LHPP: variants seen among roughly 807,000 people sequenced by gnomAD.
The protein encoded by LHPP is phospholysine phosphohistidine inorganic pyrophosphate phosphatase, also known as hLHPP.
LHPP carries 24 observed loss-of-function variants against 30.3 expected under a neutral mutation model. The ratio of observed to expected loss-of-function variants is 0.79; its 90% CI spans 0.57 to 1.11. The LOEUF is 1.11. Ranked by LOEUF, LHPP falls within the 50% of genes most tolerant of loss-of-function variation. The pLI is 0.00. For missense variants in LHPP, 356 were observed against 367.2 expected (o/e 0.97, Z 0.25); for synonymous variants, 150 against 157.1 (o/e 0.95, Z 0.34).
chr10:124,588,828 C>G (rs1156921718), intron 6 of LHPP, among the ~76,000 whole-genome samples: 1 of 152,202 alleles, frequency 6.6e-6, no homozygotes, highest in Non-Finnish European at 1.5e-5. Flanking sequence ...CTCTGACAGT[C>G]AGGTCCAGGG....
In LHPP at chr10:124,461,826, G is replaced by A; in HGVS notation, c.-37G>A. 9 of 1,225,492 alleles carry A rather than the reference G, an allele frequency of 7.3e-6. No homozygotes were observed. Among genetic ancestry groups the A allele is most frequent in the Non-Finnish European group, 9.2e-6 (9 of 981,100 alleles). The allele number at this position is 1,225,492 out of a possible 1,614,324, so 75.9% of individuals were successfully genotyped here. ...CGGCCGCGGCGCCGGCGCCGGCGTC[G>A]GTTGGGACGCGGAGCTGAGGAGCAG... On this transcript the variant is annotated 5_prime_UTR_variant, in exon 1 of 7. Coordinates refer to ENST00000368842, the MANE Select transcript of LHPP (RefSeq NM_022126.4).
At position 124,528,269 on chromosome 10, in the gene LHPP, C is replaced by T. The variant is rs536348159; in HGVS notation, c.716+10998C>T. On this transcript the variant is annotated intron_variant, in intron 6 of 6. Transcript: ENST00000368842. ...TGGGACGTACACTGACTCTGGGGTT[C>T]TGTCCACCCCGTGGGTGTGGTCCAC... Among the ~76,000 whole-genome samples, 4 of 152,396 alleles carry T rather than the reference C, an allele frequency of 2.6e-5. No homozygotes were observed. In the South Asian group the frequency reaches 8.3e-4, roughly 32 times the overall value.
intron 1 of LHPP, among the ~76,000 whole-genome samples, chr10:124,480,923 T>A (rs1242516991): frequency 6.6e-6 from 1 of 152,188 alleles, no homozygotes; most frequent in Non-Finnish European, 1.5e-5. Flanking sequence ...CAGAAACATG[T>A]GTTTTCACCA....
chr10:124,485,028 A>C (rs1564779846), intron 2 of LHPP, among the ~76,000 whole-genome samples: 1 of 152,074 alleles, frequency 6.6e-6, no homozygotes, highest in South Asian at 2.1e-4. Context: ...TCTGCACTTG[A>C]TATTTTTAGT....
At chr10:124,508,988 A>C (rs1954234398) in intron 5 of LHPP, among the ~76,000 whole-genome samples, 1 of 152,150 alleles carries the variant, frequency 6.6e-6, no homozygotes, top group East Asian at 1.9e-4. Context: ...TCATAAGCCT[A>C]GTACCTGTTG....
chr10:124,507,011 C>G (rs189211948), intron 5 of LHPP, among the ~76,000 whole-genome samples: 27 of 2,668 alleles, frequency 0.01, 1 homozygote, highest in African/African-American at 0.016. Flanking sequence ...GATTTCAGGT[C>G]GGGGGGTAGA....
intron 6 of LHPP, among the ~76,000 whole-genome samples, chr10:124,605,911 C>T (rs12777136): frequency 0.61 from 92,234 of 151,484 alleles, 28,464 homozygotes; most frequent in Non-Finnish European, 0.64. Flanking sequence ...GGGCCCGGGT[C>T]ACCCTGTGGG....
intron 6 of LHPP, among the ~76,000 whole-genome samples, chr10:124,562,264 G>A (rs967817490): frequency 7.2e-5 from 11 of 152,082 alleles, no homozygotes; most frequent in Admixed American, 1.3e-4. Context: ...CTGAGATCAC[G>A]CCACTGCACT....
chr10:124,555,350 C>T (rs965245115), intron 6 of LHPP, among the ~76,000 whole-genome samples: 4 of 152,158 alleles, frequency 2.6e-5, no homozygotes, highest in African/African-American at 9.7e-5. Context: ...GAGATGGGGG[C>T]TCTACAAGGC....
chr10:124,461,998 C>G lies in LHPP; in HGVS notation c.125+11C>G. On this transcript the variant is annotated intron_variant, in intron 1 of 6. Transcript: ENST00000368842. Reference sequence around the variant, plus strand: ...GGAGGCGGTGGCCAGGTGAGTGGGCCCCGGGACGCCGCTGGGGCCGCCGAG... The same window carrying G: ...GGAGGCGGTGGCCAGGTGAGTGGGCGCCGGGACGCCGCTGGGGCCGCCGAG... 3 of 1,209,698 alleles carry G rather than the reference C, an allele frequency of 2.5e-6. No homozygotes were observed. The highest frequency in any genetic ancestry group is 2.1e-6 in the Non-Finnish European group (2 of 972,154). The allele number at this position is 1,209,698 out of a possible 1,614,324, so 74.9% of individuals were successfully genotyped here. A position where few individuals can be genotyped will look rare whatever the true frequency, so the allele number is the denominator to read the frequency against.
intron 6 of LHPP, among the ~76,000 whole-genome samples, chr10:124,589,096 C>T (rs1589698381): frequency 6.6e-6 from 1 of 152,342 alleles, no homozygotes; most frequent in Non-Finnish European, 1.5e-5. Context: ...CTGTCACCTT[C>T]AAGGACCAAT....
chr10:124,570,362 G>A (rs1165832979), intron 6 of LHPP, among the ~76,000 whole-genome samples: 2 of 152,212 alleles, frequency 1.3e-5, no homozygotes, highest in African/African-American at 4.8e-5. Flanking sequence ...GTCGGGCACT[G>A]GGCTGGCCCA....
At position 124,512,443 on chromosome 10, in the gene LHPP, C is replaced by A. The variant is rs527555473; in HGVS notation, c.625-4737C>A. Among the ~76,000 whole-genome samples the A allele has an allele frequency of 3.3e-5, 5 of 151,952 alleles. No individual in the cohort carries two copies. The South Asian group carries it at 1.0e-3, about 32-fold the overall frequency. On this transcript the variant is annotated intron_variant, in intron 5 of 6. Coordinates refer to ENST00000368842, the MANE Select transcript of LHPP (RefSeq NM_022126.4). ...CATCTTGGTTAACACGGTGAAACCC[C>A]GTCTCTACTAAAAATACAAAACAAA...
intron 6 of LHPP, among the ~76,000 whole-genome samples, chr10:124,538,485 C>T (rs1955095152): frequency 6.6e-6 from 1 of 152,180 alleles, no homozygotes; most frequent in South Asian, 2.1e-4. Flanking sequence ...TGAGCTGTTC[C>T]ACCTTGTGCC....
intron 6 of LHPP, among the ~76,000 whole-genome samples, chr10:124,579,646 T>C (rs1191975574): frequency 6.6e-6 from 1 of 152,210 alleles, no homozygotes. Context: ...CCGGGTAATA[T>C]GGTCACCTTG....
chr10:124,538,133 A>ACGAGTCTCACCATGCAGGGTCACCACG (rs1955079552), intron 6 of LHPP, among the ~76,000 whole-genome samples: 1 of 150,630 alleles, frequency 6.6e-6, no homozygotes, highest in African/African-American at 2.4e-5. Context: ...GGGTCACCAC[A>ACGAGTCTCACCATGCAGGGTCACCACG]CGAGTCTCAC....
chr10:124,462,322 G>T (rs1589743127), intron 1 of LHPP, among the ~76,000 whole-genome samples: 3 of 152,190 alleles, frequency 2.0e-5, no homozygotes, highest in Admixed American at 2.0e-4. Context: ...AGCCGGGCGC[G>T]GTGGCTCGCA....
intron 6 of LHPP, among the ~76,000 whole-genome samples, chr10:124,549,382 T>G (rs1955425169): frequency 6.6e-6 from 1 of 151,224 alleles, no homozygotes; most frequent in Admixed American, 6.6e-5. Flanking sequence ...GCACCATGAT[T>G]ACACCTGTGA....
chr10:124,561,622 G>T (rs1351261368), intron 6 of LHPP, among the ~76,000 whole-genome samples: 1 of 151,856 alleles, frequency 6.6e-6, no homozygotes, highest in Non-Finnish European at 1.5e-5. Flanking sequence ...TCCTTGAAGA[G>T]CAGTAATGAG....
Sources: allele counts gnomAD v4.1 joint callset (sites outside exome capture counted in the v4.1 genomes callset), GRCh38; gene constraint gnomAD v4.1.1; transcripts MANE v1.5; gene names NCBI Gene and HGNC (gene_info 2026-07-23, HGNC 2026-07-21).